Variants in DLG2 observed in about 807,000 individuals in gnomAD.
The protein encoded by DLG2 is discs large MAGUK scaffold protein 2.
DLG2 carries 45 observed loss-of-function variants against 132.5 expected under a neutral mutation model. The observed-to-expected ratio is 0.34, with a 90% CI of 0.27 to 0.44. The LOEUF (loss-of-function observed/expected upper bound fraction) is 0.44. Among genes scored for constraint, DLG2 ranks in the 20% least tolerant of loss-of-function variants. The pLI, the probability that DLG2 is intolerant of heterozygous loss-of-function variation, is 1.00. For missense variants in DLG2, 1,045 were observed against 1,196.9 expected, an observed-to-expected ratio of 0.87 and a Z score of 1.87; for synonymous variants, 424 against 419.6, an observed-to-expected ratio of 1.01 and a Z score of -0.13.
rs1422449966 is a variant in DLG2 at position 84,534,723 on chromosome 11, T to A, written c.366A>T (p.Arg122=). 6.2e-7 allele frequency: 1 copy of A among 1,614,062 alleles called. No homozygotes were observed. The highest frequency in any genetic ancestry group is 1.1e-5 in the South Asian group (1 of 91,080). ...WMPVHHCTKY[R]YQDEDAPHDH... ...CATGTGGAGCGTCCTCATCTTGATA[T>A]CGATACTTCTAGGAGAAAAGAAAAG... Residue 122 remains arginine (R), a synonymous_variant, in exon 7 of 28, where the codon CGA becomes CGT. Transcript: ENST00000376104.
chr11:85,032,208 C>T (rs1373555025), intron 6 of DLG2, among the ~76,000 whole-genome samples: 1 of 152,106 alleles, frequency 6.6e-6, no homozygotes, highest in African/African-American at 2.4e-5. Flanking sequence ...ATTGTCCCAA[C>T]AATAATCCAG....
rs141913862 is a variant in DLG2, at chr11:84,157,694, G to A, written c.624+5767C>T. Among the ~76,000 whole-genome samples, 1,137 of 152,312 alleles carry A rather than the reference G, an allele frequency of 7.5e-3. 10 individuals carry two copies. The highest frequency in any genetic ancestry group is 0.017 in the Middle Eastern group (5 of 294). On this transcript the variant is annotated intron_variant, in intron 9 of 27. Coordinates refer to ENST00000376104, the MANE Select transcript of DLG2 (RefSeq NM_001142699.3). Reference sequence around the variant, plus strand: ...ACTTCATGCGGACCACATATTGAGAGCAATCTACTTATCGTCATAGTTTTT... The same window carrying A: ...ACTTCATGCGGACCACATATTGAGAACAATCTACTTATCGTCATAGTTTTT...
At chr11:83,930,867 G>C (rs2080061567) in intron 14 of DLG2, among the ~76,000 whole-genome samples, 1 of 152,110 alleles carries the variant, frequency 6.6e-6, no homozygotes, top group African/African-American at 2.4e-5. Context: ...GGTCATCTTA[G>C]ACCATGAAGC....
intron 3 of DLG2, among the ~76,000 whole-genome samples, chr11:85,533,655 T>C (rs537626424): frequency 6.6e-6 from 1 of 152,196 alleles, no homozygotes; most frequent in African/African-American, 2.4e-5. Context: ...TAGATATAGA[T>C]AGATATACAC....
intron 17 of DLG2, among the ~76,000 whole-genome samples, chr11:83,826,720 G>C (rs936486125): frequency 7.2e-5 from 11 of 152,178 alleles, no homozygotes; most frequent in African/African-American, 2.7e-4. Context: ...ACAGTACCTT[G>C]AAATTTCTGA....
Position 84,290,278 on chromosome 11 carries a change from C to A in DLG2, c.520-38987G>T, listed in dbSNP as rs2097971939. Among the ~76,000 whole-genome samples, 2 of 152,096 alleles carry A rather than the reference C, an allele frequency of 1.3e-5. 1 individual carries two copies. The highest frequency in any genetic ancestry group is 4.2e-4 in the South Asian group (2 of 4,814). On this transcript the variant is annotated intron_variant, in intron 7 of 27. Coordinates refer to ENST00000376104, the MANE Select transcript of DLG2 (RefSeq NM_001142699.3). ...ATAGGCGCCTTTTAGATTTCATTGA[C>A]ATCCTCTGCTTTCTGCCTTCACTTT... is the stretch of plus-strand genomic sequence containing the variant.
At chr11:85,225,895 A>C (rs1177999657) in intron 4 of DLG2, among the ~76,000 whole-genome samples, 2 of 152,118 alleles carry the variant, frequency 1.3e-5, no homozygotes, top group Non-Finnish European at 2.9e-5. Context: ...GATACTTGTT[A>C]ATATGTCCAA....
chr11:84,916,287 T>G (rs1485317506), intron 6 of DLG2, among the ~76,000 whole-genome samples: 2 of 122,074 alleles, frequency 1.6e-5, no homozygotes, highest in Admixed American at 2.3e-4. Context: ...AGGCGGAGCA[T>G]GCAGTGAGCC....
At chr11:83,725,431 G>T (rs1487563513) in intron 18 of DLG2, 1 of 152,530 alleles carries the variant, frequency 6.6e-6, no homozygotes, top group Non-Finnish European at 1.5e-5. Context: ...GAATCTGCTG[G>T]CTCCCCTTAG....
At chr11:84,966,784 G>T (rs1171428873) in intron 6 of DLG2, among the ~76,000 whole-genome samples, 1 of 152,168 alleles carries the variant, frequency 6.6e-6, no homozygotes, top group East Asian at 1.9e-4. Context: ...CACATTTCTG[G>T]CATTTCTGAG....
At chr11:84,809,846 T>C (rs530360376) in intron 6 of DLG2, among the ~76,000 whole-genome samples, 28 of 152,064 alleles carry the variant, frequency 1.8e-4, no homozygotes, top group Admixed American at 1.6e-3. Context: ...ATTTCAACAC[T>C]TACAGAGCTA....
At chr11:84,595,411 C>T (rs1305641468) in intron 6 of DLG2, among the ~76,000 whole-genome samples, 1 of 151,884 alleles carries the variant, frequency 6.6e-6, no homozygotes, top group Non-Finnish European at 1.5e-5. Context: ...CTGCACCTGG[C>T]CTGGCAATAG....
At chr11:84,296,599 T>C (rs1435626953) in intron 7 of DLG2, among the ~76,000 whole-genome samples, 1 of 152,070 alleles carries the variant, frequency 6.6e-6, no homozygotes, top group Non-Finnish European at 1.5e-5. Context: ...CCACCATGCC[T>C]GGCTATGTTA....
intron 7 of DLG2, among the ~76,000 whole-genome samples, chr11:84,493,644 C>T (rs1220373955): frequency 3.9e-5 from 6 of 152,058 alleles, no homozygotes; most frequent in African/African-American, 1.2e-4. Flanking sequence ...CCAACTCCAC[C>T]ACTCACATAG....
chr11:84,707,963 C>T (rs1320964346), intron 6 of DLG2, among the ~76,000 whole-genome samples: 1 of 151,748 alleles, frequency 6.6e-6, no homozygotes, highest in Non-Finnish European at 1.5e-5. Flanking sequence ...AGAGACTTTC[C>T]CTGGGCTCAG....
chr11:84,760,855 C>T (rs957259489), intron 6 of DLG2, among the ~76,000 whole-genome samples: 9 of 152,030 alleles, frequency 5.9e-5, no homozygotes, highest in South Asian at 4.2e-4. Flanking sequence ...GAGCAGAGAC[C>T]GGCAGCTACG....
intron 5 of DLG2, among the ~76,000 whole-genome samples, chr11:85,142,933 T>C (rs1412380506): frequency 6.6e-6 from 1 of 151,848 alleles, no homozygotes; most frequent in Non-Finnish European, 1.5e-5. Flanking sequence ...ATCCTTTTAA[T>C]TTGTTATTGA....
At chr11:83,578,092 T>A (rs1177825507) in intron 19 of DLG2, among the ~76,000 whole-genome samples, 1 of 109,126 alleles carries the variant, frequency 9.2e-6, no homozygotes, top group South Asian at 3.0e-4. Flanking sequence ...ACACACACAC[T>A]GTATCATATA....
At chr11:84,826,453 C>T (rs560456934) in intron 6 of DLG2, among the ~76,000 whole-genome samples, 2 of 151,978 alleles carry the variant, frequency 1.3e-5, no homozygotes, top group South Asian at 2.1e-4. Context: ...AATACAAACT[C>T]GTTCCAATCA....
Sources: allele counts gnomAD v4.1 joint callset (sites outside exome capture counted in the v4.1 genomes callset), GRCh38; gene constraint gnomAD v4.1.1; transcripts MANE v1.5; gene names NCBI Gene and HGNC (gene_info 2026-07-23, HGNC 2026-07-21).